SNTG1: variants seen among roughly 807,000 people sequenced by gnomAD.
The protein encoded by SNTG1 is syntrophin gamma 1, also known as gamma-1-syntrophin.
A neutral mutation model predicts 74.7 loss-of-function variants in SNTG1; 39 were observed. The ratio of observed to expected loss-of-function variants is 0.52; its 90% CI spans 0.40 to 0.68. The LOEUF is 0.68. Ranked by LOEUF, SNTG1 falls within the 30% of genes least tolerant of loss-of-function variation. SNTG1 has a pLI of 0.00. For synonymous variants in SNTG1, 254 were observed against 217.1 expected, an observed-to-expected ratio of 1.17 and a Z score of -1.49; for missense variants, 685 against 609.5, an observed-to-expected ratio of 1.12 and a Z score of -1.30.
At chr8:50,167,266 G>A (rs1181849405) in intron 1 of SNTG1, among the ~76,000 whole-genome samples, 1 of 110,586 alleles carries the variant, frequency 9.0e-6, no homozygotes, top group East Asian at 2.6e-4. Flanking sequence ...AAAACTTAAA[G>A]TATAATAATA....
At chr8:50,591,124 T>C (rs1004919485) in intron 13 of SNTG1, among the ~76,000 whole-genome samples, 1 of 152,126 alleles carries the variant, frequency 6.6e-6, no homozygotes, top group South Asian at 2.1e-4. Flanking sequence ...TTAAAAATGT[T>C]TATCTAAGTC....
intron 2 of SNTG1, among the ~76,000 whole-genome samples, chr8:50,328,937 T>A: frequency 6.6e-6 from 1 of 152,210 alleles, no homozygotes; most frequent in East Asian, 1.9e-4. Context: ...AGTTAGGTAC[T>A]TCCAAGACAC....
chr8:50,379,580 G>C (rs1263836925), intron 2 of SNTG1, among the ~76,000 whole-genome samples: 1 of 152,162 alleles, frequency 6.6e-6, no homozygotes, highest in African/African-American at 2.4e-5. Context: ...CCACTCCATG[G>C]AGCATGCAGC....
intron 1 of SNTG1, among the ~76,000 whole-genome samples, chr8:50,011,264 C>T (rs1387849308): frequency 6.6e-6 from 1 of 152,046 alleles, no homozygotes; most frequent in Non-Finnish European, 1.5e-5. Flanking sequence ...AGGAAATGTA[C>T]CTGAAATCTC....
intron 1 of SNTG1, among the ~76,000 whole-genome samples, chr8:50,125,816 T>C (rs1244383331): frequency 6.6e-6 from 1 of 152,142 alleles, no homozygotes; most frequent in Non-Finnish European, 1.5e-5. Flanking sequence ...CTAAAGAAAA[T>C]GCTGATCGTA....
chr8:50,774,573 T>C (rs1368948047), intron 18 of SNTG1, among the ~76,000 whole-genome samples: 2 of 151,864 alleles, frequency 1.3e-5, no homozygotes, highest in East Asian at 3.9e-4. Flanking sequence ...TTGCCACTAG[T>C]AAATATACAC....
intron 18 of SNTG1, among the ~76,000 whole-genome samples, chr8:50,761,664 A>C (rs759650767): frequency 6.6e-6 from 1 of 151,696 alleles, no homozygotes; most frequent in South Asian, 2.1e-4. Context: ...ATCACACATA[A>C]TTTTAAAACT....
rs543109615 is a variant in SNTG1, at chr8:50,469,604, T to C, written c.363+18875T>C. ...TGGGGCTCACACTCACCTTAAGGCC[T>C]TTGTCCTTGTCTTCTTTTCCTGCAT... On this transcript the variant is annotated intron_variant, in intron 8 of 18. Transcript: ENST00000642720. Among the ~76,000 whole-genome samples the C allele has an allele frequency of 2.0e-5, 3 of 152,284 alleles. No homozygotes were observed. The Middle Eastern group carries it at 0.01, about 518-fold the overall frequency.
At chr8:50,104,883 T>G (rs2080303896) in intron 1 of SNTG1, among the ~76,000 whole-genome samples, 1 of 152,108 alleles carries the variant, frequency 6.6e-6, no homozygotes. Context: ...TTCAATGGGG[T>G]TGTTTGTTTT....
intron 2 of SNTG1, among the ~76,000 whole-genome samples, chr8:50,286,126 T>C (rs968894003): frequency 6.6e-6 from 1 of 152,158 alleles, no homozygotes; most frequent in Non-Finnish European, 1.5e-5. Context: ...CTGTTCTGTT[T>C]TCTGTTCTAT....
chr8:50,013,464 G>T (rs1448313404), intron 1 of SNTG1, among the ~76,000 whole-genome samples: 3 of 148,414 alleles, frequency 2.0e-5, no homozygotes, highest in Admixed American at 6.8e-5. Context: ...TGGGGATAGA[G>T]AGATAGATAG....
intron 2 of SNTG1, among the ~76,000 whole-genome samples, chr8:50,354,974 T>C (rs1242091957): frequency 1.3e-5 from 2 of 152,102 alleles, no homozygotes; most frequent in East Asian, 3.9e-4. Flanking sequence ...TATAGGGAAA[T>C]GTAGTTAGAT....
chr8:49,917,945 T>C (rs1372270377), intron 1 of SNTG1, among the ~76,000 whole-genome samples: 1 of 150,566 alleles, frequency 6.6e-6, no homozygotes, highest in African/African-American at 2.5e-5. Context: ...TGAAATCTAC[T>C]TTTTGCTTTA....
At chr8:50,468,079 T>C (rs2093623659) in intron 8 of SNTG1, among the ~76,000 whole-genome samples, 1 of 151,946 alleles carries the variant, frequency 6.6e-6, no homozygotes, top group African/African-American at 2.4e-5. Flanking sequence ...TTATAAATTT[T>C]CCATATAAGC....
At chr8:49,924,609 C>A (rs1806850651) in intron 1 of SNTG1, among the ~76,000 whole-genome samples, 1 of 152,234 alleles carries the variant, frequency 6.6e-6, no homozygotes, top group East Asian at 1.9e-4. Flanking sequence ...CTCAGAATGT[C>A]TGCAATTTGT....
intron 2 of SNTG1, among the ~76,000 whole-genome samples, chr8:50,210,692 T>C (rs555597585): frequency 1.3e-5 from 2 of 152,214 alleles, no homozygotes; most frequent in Admixed American, 1.3e-4. Context: ...TTAATGACAA[T>C]CCCCTCCTCA....
In SNTG1 at chr8:50,601,152, C is replaced by CAAAA. The variant is rs71235311; in HGVS notation, c.849+10264_849+10267dup. Among the ~76,000 whole-genome samples, 238 of 31,470 alleles carry CAAAA rather than the reference C, an allele frequency of 7.6e-3. 9 individuals are homozygous for CAAAA. Among genetic ancestry groups the CAAAA allele is most frequent in the East Asian group, 0.013 (11 of 862 alleles). The allele number at this position is 31,470 out of a possible 152,430, so 20.6% of individuals were successfully genotyped here. On this transcript the variant is annotated intron_variant, in intron 13 of 18. Transcript: ENST00000642720. ...CAGCCTGGTGACAGAGCCAGCGAGACAAAAAAAAAAAAAAAAAAAAAAAAA... is the reference window on the plus strand; with the variant it reads ...CAGCCTGGTGACAGAGCCAGCGAGACAAAAAAAAAAAAAAAAAAAAAAAAAAAAA...
chr8:50,340,153 A>T lies in SNTG1; in HGVS notation c.-27-54059A>T, dbSNP rs138498829. Among the ~76,000 whole-genome samples, 44 of 152,142 alleles carry T rather than the reference A, an allele frequency of 2.9e-4. 1 individual carries two copies. In the East Asian group the frequency reaches 8.3e-3, roughly 29 times the overall value. On this transcript the variant is annotated intron_variant, in intron 2 of 18. Transcript: ENST00000642720. ...TAAGATGTTGATTTTTCCTAAATTT[A>T]TATATAGTTTCAACACAATCTCAGT...
At chr8:50,112,587 A>G (rs1170739138) in intron 1 of SNTG1, among the ~76,000 whole-genome samples, 1 of 145,256 alleles carries the variant, frequency 6.9e-6, no homozygotes, top group Non-Finnish European at 1.5e-5. Context: ...CAGTGGCACA[A>G]TCTCAGCTCA....
Sources: gnomAD v4.1 joint callset for allele counts (sites outside exome capture counted in the v4.1 genomes callset) on GRCh38, gnomAD v4.1.1 for gene constraint, MANE v1.5 for transcripts, NCBI Gene and HGNC (gene_info 2026-07-23, HGNC 2026-07-21) for gene names.